Variants in GNAL observed in about 807,000 individuals in gnomAD.
GNAL encodes guanine nucleotide-binding protein G(olf) subunit alpha.
Under a neutral mutation model 55.1 loss-of-function variants are expected in GNAL, and 18 were observed. That is an observed-to-expected ratio of 0.33 (90% confidence interval 0.23 to 0.48). The LOEUF (loss-of-function observed/expected upper bound fraction) is 0.48, where lower values mean the gene tolerates loss of function less well. Among genes scored for constraint, GNAL ranks in the 20% least tolerant of loss-of-function variants. The probability of loss-of-function intolerance (pLI) is 0.99; values close to 1 mark genes in which losing one functional copy is unlikely to be tolerated. For synonymous variants in GNAL, 253 were observed against 237.0 expected (o/e 1.07, Z -0.62); for missense variants, 412 against 614.1 (o/e 0.67, Z 3.48).
At chr18:11,863,927 T>C (rs894040714) in intron 6 of GNAL, among the ~76,000 whole-genome samples, 1 of 152,242 alleles carries the variant, frequency 6.6e-6, no homozygotes, top group Non-Finnish European at 1.5e-5. Context: ...GGAATGCTGA[T>C]GCCCTGACTG....
chr18:11,757,008 A>C (rs980298885), intron 4 of GNAL, among the ~76,000 whole-genome samples: 1 of 152,190 alleles, frequency 6.6e-6, no homozygotes, highest in Non-Finnish European at 1.5e-5. Context: ...CATTATATTA[A>C]AGTTAAAAAT....
At chr18:11,784,589 T>C (rs1336206074) in intron 4 of GNAL, among the ~76,000 whole-genome samples, 1 of 152,234 alleles carries the variant, frequency 6.6e-6, no homozygotes, top group Non-Finnish European at 1.5e-5. Flanking sequence ...TTTCATTTTA[T>C]TTTCTGCATG....
intron 1 of GNAL, among the ~76,000 whole-genome samples, chr18:11,691,866 G>C (rs996822138): frequency 2.0e-5 from 3 of 152,218 alleles, no homozygotes; most frequent in African/African-American, 7.2e-5. Flanking sequence ...CTGTGTAACT[G>C]CGTGCAGGAG....
At chr18:11,844,075 G>T (rs1274784979) in intron 5 of GNAL, among the ~76,000 whole-genome samples, 1 of 152,172 alleles carries the variant, frequency 6.6e-6, no homozygotes, top group Non-Finnish European at 1.5e-5. Context: ...GACACTAATG[G>T]CTAATGACTC....
At chr18:11,851,576 C>T in intron 5 of GNAL, 1 of 1,612,374 alleles carries the variant, frequency 6.2e-7, no homozygotes, top group Non-Finnish European at 8.5e-7. Context: ...AGTAGGAGTG[C>T]CAAAAAATGC....
intron 7 of GNAL, 146 bp downstream of exon 7, chr18:11,864,752 C>G (rs1419706522): frequency 1.1e-5 from 7 of 635,512 alleles, no homozygotes. Flanking sequence ...TGAACTCTAG[C>G]AAGAGTTGAA....
intron 1 of GNAL, among the ~76,000 whole-genome samples, chr18:11,729,078 T>A (rs1047002942): frequency 6.6e-6 from 1 of 152,138 alleles, no homozygotes; most frequent in Non-Finnish European, 1.5e-5. Context: ...GTGTTTTTAT[T>A]GATGATTTGG....
chr18:11,745,991 T>A (rs1316200270), intron 1 of GNAL: 1 of 283,312 alleles, frequency 3.5e-6, no homozygotes, highest in African/African-American at 2.2e-5. Flanking sequence ...GAAAGTGTTC[T>A]TGGGCAGAGA....
At chr18:11,825,245 TGTTTTCA>T (rs1415882993) in intron 5 of GNAL, among the ~76,000 whole-genome samples, 1 of 152,222 alleles carries the variant, frequency 6.6e-6, no homozygotes, top group African/African-American at 2.4e-5. Flanking sequence ...TTGTCCTGAT[TGTTTTCA>T]GTTCTCTTCA....
rs7240949 is a variant in GNAL at position 11,769,083 on chromosome 18, T to C, written c.624+15138T>C. 3.6e-4 allele frequency among the ~76,000 whole-genome samples: 31 copies of C among 85,612 alleles called. 8 individuals are homozygous for C. The highest frequency in any genetic ancestry group is 2.8e-3 in the African/African-American group (28 of 9,980). The allele number at this position is 85,612 out of a possible 152,430, so 56.2% of individuals were successfully genotyped here. On this transcript the variant is annotated intron_variant, in intron 4 of 11. Transcript: ENST00000334049. ...TATATTATAATATAGATTATATAAA[T>C]TATATGTAATATATATTATAATATA...
intron 4 of GNAL, among the ~76,000 whole-genome samples, chr18:11,802,117 T>C (rs1397487781): frequency 6.6e-6 from 1 of 152,152 alleles, no homozygotes; most frequent in Non-Finnish European, 1.5e-5. Context: ...CAAGAAAATT[T>C]CATTTTCTTT....
intron 1 of GNAL, among the ~76,000 whole-genome samples, chr18:11,735,639 C>T (rs1253048587): frequency 6.6e-6 from 1 of 151,718 alleles, no homozygotes; most frequent in Non-Finnish European, 1.5e-5. Flanking sequence ...GTAGTAACAG[C>T]TACTTGGGAG....
intron 1 of GNAL, among the ~76,000 whole-genome samples, chr18:11,724,245 G>A: frequency 6.6e-6 from 1 of 152,154 alleles, no homozygotes. Flanking sequence ...CTCTGGGGGG[G>A]ACCTCAGGAA....
chr18:11,765,671 T>C (rs996953687), intron 4 of GNAL, among the ~76,000 whole-genome samples: 1 of 152,218 alleles, frequency 6.6e-6, no homozygotes, highest in African/African-American at 2.4e-5. Context: ...ATATTTGTCT[T>C]CCTGTGCTTG....
At chr18:11,760,655 C>A (rs2033209537) in intron 4 of GNAL, among the ~76,000 whole-genome samples, 1 of 152,098 alleles carries the variant, frequency 6.6e-6, no homozygotes, top group African/African-American at 2.4e-5. Flanking sequence ...TTGGCGCTTC[C>A]CCTGGGTCTT....
intron 4 of GNAL, among the ~76,000 whole-genome samples, chr18:11,790,103 C>G (rs994771664): frequency 3.9e-5 from 6 of 152,122 alleles, no homozygotes; most frequent in Non-Finnish European, 7.3e-5. Context: ...AATGAGATGT[C>G]AAATGTATTC....
At chr18:11,736,758 A>T (rs912020238) in intron 1 of GNAL, among the ~76,000 whole-genome samples, 1 of 152,228 alleles carries the variant, frequency 6.6e-6, no homozygotes, top group Non-Finnish European at 1.5e-5. Flanking sequence ...TGGAAGAAGG[A>T]TGGGGAGATT....
chr18:11,729,789 C>G, intron 1 of GNAL, among the ~76,000 whole-genome samples: 1 of 152,146 alleles, frequency 6.6e-6, no homozygotes, highest in East Asian at 1.9e-4. Flanking sequence ...TCGCGGCTGG[C>G]AGAAAACACA....
chr18:11,691,159 G>T (rs1266552825), intron 1 of GNAL, among the ~76,000 whole-genome samples: 22 of 151,910 alleles, frequency 1.4e-4, no homozygotes, highest in South Asian at 1.0e-3. Flanking sequence ...ATTCTAACTG[G>T]TGTGAGATGG....
Sources: allele counts gnomAD v4.1 joint callset (sites outside exome capture counted in the v4.1 genomes callset), GRCh38; gene constraint gnomAD v4.1.1; transcripts MANE v1.5; gene names NCBI Gene and HGNC (gene_info 2026-07-23, HGNC 2026-07-21).